Variants in OTOG observed in about 807,000 individuals in gnomAD.
The protein encoded by OTOG is otogelin.
In OTOG, 296 loss-of-function variants were observed where a neutral mutation model predicts 313.8. That is an observed-to-expected ratio of 0.94 (90% CI 0.86 to 1.04). OTOG has a LOEUF of 1.04. Ranked by LOEUF, OTOG falls within the 50% of genes least tolerant of loss-of-function variation. The probability of loss-of-function intolerance (pLI) is 0.00; values close to 1 mark genes in which losing one functional copy is unlikely to be tolerated. For missense variants in OTOG, 3,948 were observed against 3,840.1 expected (o/e 1.03, Z -0.74); for synonymous variants, 1,533 against 1,554.9 (o/e 0.99, Z 0.33).
intron 24 of OTOG, among the ~76,000 whole-genome samples, chr11:17,590,118 A>G (rs1228185212): frequency 6.6e-6 from 1 of 152,148 alleles, no homozygotes; most frequent in East Asian, 1.9e-4. Context: ...AGGCCCATCC[A>G]TAGGCAGAGG....
Position 17,569,304 on chromosome 11 carries a change from G to T in OTOG, c.1777+16G>T. ...TACACAGATGGTACGGTTTGGGGTGGACAACAGACCTAGTTGGGAACTGAG... is the reference window on the plus strand; with the variant it reads ...TACACAGATGGTACGGTTTGGGGTGTACAACAGACCTAGTTGGGAACTGAG... On this transcript the variant is annotated intron_variant, in intron 16 of 55. Coordinates refer to ENST00000399397, the MANE Select transcript of OTOG (RefSeq NM_001292063.2). The T allele has an allele frequency of 6.4e-7, 1 of 1,550,394 alleles. No individual in the cohort carries two copies. The highest frequency in any genetic ancestry group is 1.4e-5 in the African/African-American group (1 of 73,158).
At chr11:17,556,523 T>C (rs967887241) in intron 7 of OTOG, among the ~76,000 whole-genome samples, 4 of 152,218 alleles carry the variant, frequency 2.6e-5, no homozygotes, top group Admixed American at 2.0e-4. Context: ...CTGCTTCAGA[T>C]CTGGAAACTG....
chr11:17,626,718 A>G (rs1255778306), intron 39 of OTOG, among the ~76,000 whole-genome samples: 1 of 152,200 alleles, frequency 6.6e-6, no homozygotes, highest in Non-Finnish European at 1.5e-5. Flanking sequence ...GGTAATATGT[A>G]CATTTTAACA....
rs868226430 is a variant in OTOG, at chr11:17,592,076, A to G, written c.3006+488A>G. ...AAGTTTGACCAAGAAATCTGACTGG[A>G]GAGTTGGTGTGCTTAAAGGAGTCAC... On this transcript the variant is annotated intron_variant, in intron 25 of 55. Transcript: ENST00000399397. Among the ~76,000 whole-genome samples the G allele has an allele frequency of 1.8e-4, 28 of 152,046 alleles. 1 individual carries two copies. Among genetic ancestry groups the G allele is most frequent in the South Asian group, 2.1e-4 (1 of 4,818 alleles).
In OTOG at chr11:17,591,702, G is replaced by A. The variant is rs1023974512; in HGVS notation, c.3006+114G>A. The A allele has an allele frequency of 3.7e-6, 5 of 1,345,340 alleles. 1 individual carries two copies. Among genetic ancestry groups the A allele is most frequent in the African/African-American group, 2.9e-5 (2 of 69,132 alleles). The allele number at this position is 1,345,340 out of a possible 1,614,324, so 83.3% of individuals were successfully genotyped here. Reference sequence around the variant, plus strand: ...GGGTGATCGGGGATCTAAGCCCTGAGGTGGGGCTATCTAGAGACTGGAAGA... The same window carrying A: ...GGGTGATCGGGGATCTAAGCCCTGAAGTGGGGCTATCTAGAGACTGGAAGA... On this transcript the variant is annotated intron_variant, in intron 25 of 55. Transcript: ENST00000399397.
chr11:17,575,198 A>T (rs1317929190), intron 20 of OTOG, among the ~76,000 whole-genome samples: 4 of 152,208 alleles, frequency 2.6e-5, no homozygotes, highest in Non-Finnish European at 5.9e-5. Flanking sequence ...CTCCTTCCAC[A>T]TAATTTATTG....
rs953816161 is a variant in OTOG, at chr11:17,593,595, T to A, written c.3142-15T>A. The A allele has an allele frequency of 5.8e-6, 9 of 1,548,462 alleles. No individual in the cohort carries two copies. In the Admixed American group the frequency reaches 7.8e-5, roughly 13 times the overall value. On this transcript the variant is annotated splice_polypyrimidine_tract_variant and intron_variant, in intron 26 of 55. Transcript: ENST00000399397. ...GGGCACTTGGGCTCAGGACTGACCA[T>A]CTCTGTCCCTCTAGAGTCCAGAGAG... is the stretch of plus-strand genomic sequence containing the variant.
intron 54 of OTOG, among the ~76,000 whole-genome samples, chr11:17,644,812 C>T (rs1848042118): frequency 6.6e-6 from 1 of 152,064 alleles, no homozygotes; most frequent in African/African-American, 2.4e-5. Context: ...AGTGATTGTC[C>T]CCTCGACAAA....
In OTOG at chr11:17,610,947, C is replaced by T; in HGVS notation, c.5647C>T (p.Pro1883Ser). Residue 1883 changes from proline (P) to serine (S), a missense_variant, in exon 36 of 56, where the codon CCA (proline) becomes TCA (serine). Pro to Ser is a moderately conservative substitution (Grantham distance 74, BLOSUM62 -1). Transcript: ENST00000399397. ...APGLLLGATL[P>S]TSGVLPVAEG... ...AGGCCTGCTGCTGGGAGCCACATTGCCAACCTCTGGAGTCCTGCCTGTGGC... is the reference window on the plus strand; with the variant it reads ...AGGCCTGCTGCTGGGAGCCACATTGTCAACCTCTGGAGTCCTGCCTGTGGC... The T allele has an allele frequency of 6.4e-7, 1 of 1,550,490 alleles. No individual in the cohort carries two copies. The highest frequency in any genetic ancestry group is 8.7e-7 in the Non-Finnish European group (1 of 1,146,974).
chr11:17,631,005 C>A (rs945097284), intron 40 of OTOG, among the ~76,000 whole-genome samples: 1 of 152,228 alleles, frequency 6.6e-6, no homozygotes, highest in African/African-American at 2.4e-5. Context: ...TCTTCTGGTT[C>A]TGCCATGTCA....
At chr11:17,607,994 C>G (rs562044936) in intron 33 of OTOG, among the ~76,000 whole-genome samples, 1 of 152,218 alleles carries the variant, frequency 6.6e-6, no homozygotes, top group Admixed American at 6.5e-5. Flanking sequence ...TCTTCGGTCA[C>G]CCTTCGAAAC....
rs556448918 is a variant in OTOG, at chr11:17,601,858, C to T, written c.3710-352C>T. Reference sequence around the variant, plus strand: ...GTCTGACGTCTTCTTCCAGAGGGGACCTTGAATAGAGCAGTGGCTGTAATG... The same window carrying T: ...GTCTGACGTCTTCTTCCAGAGGGGATCTTGAATAGAGCAGTGGCTGTAATG... On this transcript the variant is annotated intron_variant, in intron 31 of 55. Transcript: ENST00000399397. Among the ~76,000 whole-genome samples the T allele has an allele frequency of 9.2e-5, 14 of 152,262 alleles. No homozygotes were observed. The South Asian group carries it at 2.7e-3, about 29-fold the overall frequency.
chr11:17,603,437 G>A (rs1853303350), intron 32 of OTOG, among the ~76,000 whole-genome samples: 1 of 152,186 alleles, frequency 6.6e-6, no homozygotes, highest in South Asian at 2.1e-4. Context: ...GTGTAGTCCA[G>A]AGGGGGTGTT....
At chr11:17,555,165 G>C (rs1017483385) in intron 6 of OTOG, among the ~76,000 whole-genome samples, 3 of 151,176 alleles carry the variant, frequency 2.0e-5, no homozygotes, top group East Asian at 3.9e-4. Flanking sequence ...TTGGGTCTAT[G>C]GCCTTTGAAG....
intron 30 of OTOG, among the ~76,000 whole-genome samples, chr11:17,598,907 G>A (rs1430850540): frequency 6.6e-6 from 1 of 152,196 alleles, no homozygotes; most frequent in Non-Finnish European, 1.5e-5. Flanking sequence ...CAGATGCATT[G>A]ACCTTGTGGT....
intron 31 of OTOG, among the ~76,000 whole-genome samples, chr11:17,601,074 A>G (rs2134073114): frequency 6.6e-6 from 1 of 152,356 alleles, no homozygotes; most frequent in East Asian, 1.9e-4. Flanking sequence ...ATGGAAATCC[A>G]GAAGCCCTAC....
At chr11:17,630,305 T>A (rs560605315) in intron 40 of OTOG, among the ~76,000 whole-genome samples, 1 of 152,280 alleles carries the variant, frequency 6.6e-6, no homozygotes, top group Non-Finnish European at 1.5e-5. Context: ...TCTCATCATT[T>A]CTTCCTTCTC....
chr11:17,573,737 T>G (rs1417226297), intron 19 of OTOG, among the ~76,000 whole-genome samples: 1 of 152,208 alleles, frequency 6.6e-6, no homozygotes, highest in Non-Finnish European at 1.5e-5. Flanking sequence ...TTCCCATGTC[T>G]TCATCACCTC....
In OTOG at chr11:17,641,057, C is replaced by A; in HGVS notation, c.8156C>A (p.Thr2719Asn). Residue 2719 changes from threonine (T) to asparagine (N), a missense_variant, in exon 51 of 56, where the codon ACC becomes AAC. Transcript: ENST00000399397. Reference sequence around the variant, plus strand: ...CTCACCAACTTCTACCAGATCAACACCACCTCCGTGCTCTGTGACATCCAC... The same window carrying A: ...CTCACCAACTTCTACCAGATCAACAACACCTCCGTGCTCTGTGACATCCAC... ...DPLTNFYQIN[T>N]TSVLCDIHCE... The A allele has an allele frequency of 6.5e-7, 1 of 1,546,294 alleles. No individual in the cohort carries two copies. Among genetic ancestry groups the A allele is most frequent in the Non-Finnish European group, 8.7e-7 (1 of 1,146,896 alleles).
Sources: allele counts gnomAD v4.1 joint callset (sites outside exome capture counted in the v4.1 genomes callset), GRCh38; gene constraint gnomAD v4.1.1; transcripts MANE v1.5; gene names NCBI Gene and HGNC (gene_info 2026-07-23, HGNC 2026-07-21).